The following LRP8 variants were observed in gnomAD, a reference collection of about 807,000 sequenced individuals.
LRP8 encodes low-density lipoprotein receptor-related protein 8.
LRP8 carries 46 observed loss-of-function variants against 111.6 expected under a neutral mutation model. The observed-to-expected ratio is 0.41, with a 90% CI of 0.33 to 0.53. LRP8 has a LOEUF of 0.53. Ranked by LOEUF, LRP8 falls within the 20% of genes least tolerant of loss-of-function variation. The pLI is 0.20. For synonymous variants in LRP8, 464 were observed against 511.2 expected, an observed-to-expected ratio of 0.91 and a Z score of 1.24; for missense variants, 959 against 1,297.4, an observed-to-expected ratio of 0.74 and a Z score of 4.01.
chr1:53,327,242 A>G (rs1372837027), intron 1 of LRP8: 1 of 523,708 alleles, frequency 1.9e-6, no homozygotes, highest in Middle Eastern at 5.2e-4. Context: ...TATACCCTCC[A>G]TTCAGACGCA....
At position 53,244,784 on chromosome 1, in the gene LRP8, G is replaced by A. The variant is rs1253916854; in HGVS notation, c.*2234C>T. The A allele has an allele frequency of 6.6e-6, 1 of 152,146 alleles. No individual in the cohort carries two copies. The highest frequency in any genetic ancestry group is 2.4e-5 in the African/African-American group (1 of 41,440). 9.4% of individuals were successfully genotyped at this position (152,146 alleles called of 1,614,324 possible). On this transcript the variant is annotated 3_prime_UTR_variant, in exon 19 of 19. Transcript: ENST00000306052. ...CTTGGAAAATTCAGTTTCTTTGGAA[G>A]GTTACAGAAAAAGTCACTTGTTTTG...
rs532512685 is a variant in LRP8 at position 53,270,959 on chromosome 1, C to G, written c.1252+69G>C. On this transcript the variant is annotated intron_variant, in intron 8 of 18. Coordinates refer to ENST00000306052, the MANE Select transcript of LRP8 (RefSeq NM_004631.5). ...TGCGCACATGTACACGCCCACTCCT[C>G]ACAAGTGGAAGCACGCTGCTTCCTG... 7.5e-5 allele frequency: 121 copies of G among 1,610,896 alleles called. 1 individual carries two copies. The highest frequency in any genetic ancestry group is 5.4e-4 in the Middle Eastern group (3 of 5,546).
At chr1:53,251,426 T>G (rs1347555688) in intron 16 of LRP8, among the ~76,000 whole-genome samples, 2 of 151,916 alleles carry the variant, frequency 1.3e-5, no homozygotes, top group Non-Finnish European at 2.9e-5. Context: ...GAAGAACATC[T>G]CTAGAAGGAG....
At chr1:53,289,406 G>A in intron 3 of LRP8, 161 bp downstream of exon 3, 1 of 1,012,478 alleles carries the variant, frequency 9.9e-7, no homozygotes, top group South Asian at 1.9e-5. Context: ...AAACAGGTCA[G>A]TAGAAACCAG....
In LRP8 at chr1:53,257,386, G is replaced by T. The variant is rs1646136199; in HGVS notation, c.2288C>A (p.Thr763Asn). ...CTGGTAGGTGGATCTGTGGACGGTG[G>T]TCCCGGGGGCTCTTGTGGTGGCAGG... ...TVPATTRAPGTTVHRSTYQNH... is the reference protein window; with the variant it reads ...TVPATTRAPGNTVHRSTYQNH... Residue 763 changes from threonine to asparagine, a missense_variant, in exon 15 of 19, where the codon ACC becomes AAC. Thr to Asn is a moderately conservative substitution (Grantham distance 65, BLOSUM62 0). This residue lies in a region of LRP8 where 819 missense variants were observed against 1,097.6 expected (regional missense o/e 0.75). Coordinates refer to ENST00000306052, the MANE Select transcript of LRP8 (RefSeq NM_004631.5). 4 of 1,614,198 alleles carry T rather than the reference G, an allele frequency of 2.5e-6. No individual in the cohort carries two copies. The East Asian group carries it at 6.7e-5, about 27-fold the overall frequency.
chr1:53,302,735 C>T (rs1572627555), intron 2 of LRP8, among the ~76,000 whole-genome samples: 1 of 150,122 alleles, frequency 6.7e-6, no homozygotes, highest in African/African-American at 2.5e-5. Flanking sequence ...CCCTGTTGGC[C>T]AGGCTGGAGT....
At chr1:53,273,383 A>G (rs920870631) in intron 6 of LRP8, among the ~76,000 whole-genome samples, 2 of 152,230 alleles carry the variant, frequency 1.3e-5, no homozygotes, top group South Asian at 2.1e-4. Context: ...TCACACATAC[A>G]TGGGGTCACA....
At chr1:53,318,713 A>C (rs1654114117) in intron 2 of LRP8, among the ~76,000 whole-genome samples, 1 of 152,208 alleles carries the variant, frequency 6.6e-6, no homozygotes, top group African/African-American at 2.4e-5. Context: ...CTTTAAAACA[A>C]GGATGTGAAC....
intron 6 of LRP8, among the ~76,000 whole-genome samples, chr1:53,272,232 T>C (rs1646780992): frequency 6.6e-6 from 1 of 152,126 alleles, no homozygotes; most frequent in Non-Finnish European, 1.5e-5. Context: ...GTTCCAGGAT[T>C]ACCACCTGCT....
At chr1:53,327,058 G>C in intron 1 of LRP8, 66 bp from the exon 2 acceptor site, 2 of 1,582,200 alleles carry the variant, frequency 1.3e-6, no homozygotes, top group South Asian at 2.3e-5. Flanking sequence ...ATGCAGTCCG[G>C]GCCACCCGGA....
intron 13 of LRP8, among the ~76,000 whole-genome samples, chr1:53,259,179 A>G (rs1308274605): frequency 2.0e-5 from 3 of 152,202 alleles, no homozygotes; most frequent in African/African-American, 7.2e-5. Flanking sequence ...CAGTGCAATC[A>G]TAGCTCACTG....
chr1:53,282,226 A>G (rs760872646), intron 3 of LRP8, among the ~76,000 whole-genome samples: 12 of 152,214 alleles, frequency 7.9e-5, no homozygotes, highest in Non-Finnish European at 1.6e-4. Flanking sequence ...AGAGCATCTT[A>G]GGCCCCTGAA....
intron 6 of LRP8, chr1:53,274,683 G>A (rs897608336): frequency 3.7e-5 from 17 of 456,126 alleles, no homozygotes; most frequent in Non-Finnish European, 6.2e-5. Flanking sequence ...GCCAGTGGGC[G>A]TAGACAGGCA....
intron 8 of LRP8, chr1:53,267,634 CAG>C (rs1439563905): frequency 2.6e-5 from 4 of 152,200 alleles, no homozygotes; most frequent in Non-Finnish European, 5.9e-5. Flanking sequence ...ATATACAACA[CAG>C]ATTATATATA....
intron 10 of LRP8, among the ~76,000 whole-genome samples, chr1:53,263,662 G>C (rs956968038): frequency 2.6e-5 from 4 of 152,152 alleles, no homozygotes; most frequent in African/African-American, 9.7e-5. Context: ...CTCAAATCTT[G>C]CTGGCTCTCT....
Position 53,250,841 on chromosome 1 carries a change from A to G in LRP8, c.2525T>C (p.Met842Thr). The G allele has an allele frequency of 1.2e-6, 2 of 1,614,084 alleles. No individual in the cohort carries two copies. The highest frequency in any genetic ancestry group is 1.7e-6 in the Non-Finnish European group (2 of 1,180,002). The change falls in exon 17 of 19, where the codon ATG (methionine) becomes ACG (threonine). Residue 842 changes from methionine (M) to threonine (T), a missense_variant. By Grantham distance (81) the Met-to-Thr change is moderately conservative (BLOSUM62 -1). This residue lies in a region of LRP8 where 819 missense variants were observed against 1,097.6 expected (regional missense o/e 0.75). Transcript: ENST00000306052. The surrounding 1 kb of genome is among the most constrained non-coding windows in gnomAD (Gnocchi z 4.6). ...VPIVVIALLC[M>T]SGYLIWRNWK... is the part of the protein sequence containing the mutation. ...GTTTCTCCAGATCAGGTATCCACTC[A>G]TGCACAGGAGGGCTATCACCACTGG...
intron 8 of LRP8, chr1:53,268,453 C>T (rs1646655634): frequency 6.6e-6 from 1 of 152,180 alleles, no homozygotes; most frequent in Non-Finnish European, 1.5e-5. Context: ...GGGGCAAGAA[C>T]AGGTTACACG....
chr1:53,296,743 G>A (rs530353187), intron 2 of LRP8, among the ~76,000 whole-genome samples: 1 of 152,346 alleles, frequency 6.6e-6, no homozygotes, highest in East Asian at 1.9e-4. Context: ...ATGAGAGGGG[G>A]AGGAGACCGT....
At position 53,275,435 on chromosome 1, in the gene LRP8, G is replaced by T. The variant is rs964688638; in HGVS notation, c.1006+196C>A. On this transcript the variant is annotated intron_variant, in intron 6 of 18. Transcript: ENST00000306052. This position sits in a 1 kb window ranked among gnomAD's most constrained non-coding sequence, Gnocchi z 4.4. ...CTAGGTGTCTTTCAGCTTTGGCAAA[G>T]TCCTTACAAATCCAGTTCTGGTGCT... 6.6e-6 allele frequency among the ~76,000 whole-genome samples: 1 copy of T among 152,204 alleles called. No homozygotes were observed. The highest frequency in any genetic ancestry group is 1.5e-5 in the Non-Finnish European group (1 of 68,028).
Sources: gnomAD v4.1 joint callset for allele counts (sites outside exome capture counted in the v4.1 genomes callset) on GRCh38, gnomAD v4.1.1 for gene constraint, gnomAD v4.1.1 regional missense constraint, Gnocchi (gnomAD v3.1) non-coding constraint, MANE v1.5 for transcripts, NCBI Gene and HGNC (gene_info 2026-07-23, HGNC 2026-07-21) for gene names.